Variants in IL1RAPL1 observed in about 807,000 individuals in gnomAD.
The protein encoded by IL1RAPL1 is interleukin 1 receptor accessory protein like 1, also known as interleukin-1 receptor accessory protein-like 1.
A neutral mutation model predicts 48.4 loss-of-function variants in IL1RAPL1; 3 were observed. That is an observed-to-expected ratio of 0.06 (90% confidence interval 0.03 to 0.16). IL1RAPL1 has a LOEUF of 0.16. Among genes scored for constraint, IL1RAPL1 ranks in the 10% least tolerant of loss-of-function variants. The pLI is 1.00. For synonymous variants in IL1RAPL1, 185 were observed against 187.7 expected (o/e 0.99, Z 0.12); for missense variants, 349 against 530.6 (o/e 0.66, Z 3.36).
chrX:29,080,649 T>C (rs898172840), intron 2 of IL1RAPL1, among the ~76,000 whole-genome samples: 6 of 110,783 alleles, frequency 5.4e-5, no homozygotes, highest in Non-Finnish European at 1.1e-4. Flanking sequence ...AAAAAAGACA[T>C]ATAAAACAAA....
chrX:29,886,296 T>C (rs1932166002), intron 6 of IL1RAPL1, among the ~76,000 whole-genome samples: 2 of 112,662 alleles, frequency 1.8e-5, no homozygotes. Flanking sequence ...TTTTTAGCTA[T>C]GCATGCTTAC....
chrX:28,810,707 A>G (rs1936784987), intron 2 of IL1RAPL1, among the ~76,000 whole-genome samples: 1 of 110,683 alleles, frequency 9.0e-6, no homozygotes, highest in South Asian at 3.7e-4. Flanking sequence ...AAAAGCAAAA[A>G]GAACAGAAGC....
chrX:29,495,107 C>T (rs1443995603), intron 5 of IL1RAPL1, among the ~76,000 whole-genome samples: 1 of 112,007 alleles, frequency 8.9e-6, no homozygotes, highest in Non-Finnish European at 1.9e-5. Context: ...TTCCCAGCTC[C>T]CATATGTTAA....
chrX:28,825,459 ATCTATGCAGATT>A (rs1936983573), intron 2 of IL1RAPL1, among the ~76,000 whole-genome samples: 1 of 111,419 alleles, frequency 9.0e-6, no homozygotes, highest in East Asian at 2.8e-4. Context: ...ATGCTTGAAT[ATCTATGCAGATT>A]TTGGAATATG....
intron 2 of IL1RAPL1, among the ~76,000 whole-genome samples, chrX:29,218,520 TCTG>T (rs765877433): frequency 2.1e-3 from 237 of 111,995 alleles, no homozygotes; most frequent in African/African-American, 7.3e-3. Flanking sequence ...GCAATTATGT[TCTG>T]CTGCTATATC....
intron 6 of IL1RAPL1, among the ~76,000 whole-genome samples, chrX:29,743,360 CTT>C (rs1479594152): frequency 9.2e-6 from 1 of 109,103 alleles, no homozygotes; most frequent in Non-Finnish European, 1.9e-5. Flanking sequence ...ATTATTATGT[CTT>C]CGGTTAACTT....
intron 5 of IL1RAPL1, among the ~76,000 whole-genome samples, chrX:29,519,023 A>G (rs1193032122): frequency 9.0e-6 from 1 of 111,482 alleles, no homozygotes; most frequent in Admixed American, 9.5e-5. Flanking sequence ...ATGCATATAC[A>G]CAGATGTAGG....
intron 6 of IL1RAPL1, among the ~76,000 whole-genome samples, chrX:29,845,509 GCCA>G (rs1469441231): frequency 6.3e-5 from 7 of 111,698 alleles, no homozygotes; most frequent in Non-Finnish European, 1.3e-4. Flanking sequence ...AGTTTTAACT[GCCA>G]GAAGCAAATA....
At chrX:28,728,233 A>C (rs1057244428) in intron 1 of IL1RAPL1, among the ~76,000 whole-genome samples, 84 of 111,960 alleles carry the variant, frequency 7.5e-4, no homozygotes, top group Non-Finnish European at 1.4e-3. Context: ...TCCACAAATC[A>C]AATTTTAACT....
chrX:28,812,774 A>G (rs1389978721), intron 2 of IL1RAPL1, among the ~76,000 whole-genome samples: 1 of 111,021 alleles, frequency 9.0e-6, no homozygotes, highest in Admixed American at 9.6e-5. Context: ...CTTAAGGGTA[A>G]TACTATACAT....
chrX:29,560,726 C>T (rs1235904912), intron 5 of IL1RAPL1, among the ~76,000 whole-genome samples: 1 of 111,597 alleles, frequency 9.0e-6, no homozygotes, highest in African/African-American at 3.3e-5. Flanking sequence ...TTATGATTTC[C>T]ATATTCATTG....
intron 2 of IL1RAPL1, among the ~76,000 whole-genome samples, chrX:29,154,365 C>A (rs1238377602): frequency 4.5e-5 from 5 of 110,745 alleles, no homozygotes; most frequent in Non-Finnish European, 9.4e-5. Flanking sequence ...CATGGTGAAA[C>A]CTGGTCTCTA....
At chrX:29,799,116 A>G (rs1234623549) in intron 6 of IL1RAPL1, among the ~76,000 whole-genome samples, 1 of 112,451 alleles carries the variant, frequency 8.9e-6, no homozygotes, top group Non-Finnish European at 1.9e-5. Context: ...TTCTGATATA[A>G]GATAATGTTT....
chrX:29,205,606 G>A (rs147500833), intron 2 of IL1RAPL1, among the ~76,000 whole-genome samples: 1,149 of 111,717 alleles, frequency 0.01, 15 homozygotes, highest in African/African-American at 0.035. Flanking sequence ...TGCAAAATGG[G>A]CATTATAGTA....
intron 6 of IL1RAPL1, among the ~76,000 whole-genome samples, chrX:29,861,681 C>T (rs1417467964): frequency 9.1e-6 from 1 of 110,436 alleles, no homozygotes; most frequent in Non-Finnish European, 1.9e-5. Flanking sequence ...CCACCTGTTC[C>T]CCCAAAAACC....
At chrX:29,314,650 A>G (rs926924588) in intron 3 of IL1RAPL1, among the ~76,000 whole-genome samples, 2 of 112,635 alleles carry the variant, frequency 1.8e-5, no homozygotes, top group African/African-American at 6.4e-5. Context: ...AGTTTCCTCA[A>G]TTGTAAAATG....
chrX:28,988,898 T>A (rs898714822), intron 2 of IL1RAPL1, among the ~76,000 whole-genome samples: 11 of 111,673 alleles, frequency 9.9e-5, no homozygotes, highest in Non-Finnish European at 1.9e-4. Flanking sequence ...AATCTGTATA[T>A]ATAATTCCAC....
intron 6 of IL1RAPL1, among the ~76,000 whole-genome samples, chrX:29,768,404 C>T (rs1019790972): frequency 4.5e-5 from 5 of 111,637 alleles, no homozygotes; most frequent in Admixed American, 3.8e-4. Context: ...TAACCCAGTG[C>T]CCTCTCCTTT....
At chrX:29,629,773 G>A (rs1924715285) in intron 5 of IL1RAPL1, among the ~76,000 whole-genome samples, 3 of 111,760 alleles carry the variant, frequency 2.7e-5, no homozygotes, top group Middle Eastern at 9.1e-3. Flanking sequence ...GTTTTCCTTT[G>A]CAAACAAAGA....
Sources: allele counts gnomAD v4.1 joint callset (sites outside exome capture counted in the v4.1 genomes callset), GRCh38; gene constraint gnomAD v4.1.1; transcripts MANE v1.5; gene names NCBI Gene and HGNC (gene_info 2026-07-23, HGNC 2026-07-21).